TAF2: variants seen among roughly 807,000 people sequenced by gnomAD.
TAF2 encodes the protein transcription initiation factor TFIID subunit 2.
In TAF2, 61 loss-of-function variants were observed where a neutral mutation model predicts 138.5. That is an observed-to-expected ratio of 0.44 (90% confidence interval 0.36 to 0.54). The LOEUF is 0.54. TAF2 is among the 20% of genes least tolerant of loss of function. The pLI, the probability that TAF2 is intolerant of heterozygous loss-of-function variation, is 0.00. For synonymous variants in TAF2, 475 were observed against 469.9 expected (o/e 1.01, Z -0.14); for missense variants, 1,090 against 1,427.9 (o/e 0.76, Z 3.81).
intron 17 of TAF2, among the ~76,000 whole-genome samples, chr8:119,779,041 A>G (rs1822458622): frequency 6.6e-6 from 1 of 152,170 alleles, no homozygotes; most frequent in African/African-American, 2.4e-5. Flanking sequence ...CTATAGGAAC[A>G]ACTGAGGGAA....
chr8:119,806,598 G>C (rs1289375233), intron 3 of TAF2, among the ~76,000 whole-genome samples, 197 bp from the exon 4 acceptor site: 1 of 151,390 alleles, frequency 6.6e-6, no homozygotes, highest in African/African-American at 2.4e-5. Context: ...CTCCCGAGTA[G>C]CTAGGATTAC....
chr8:119,803,940 T>C lies in TAF2; in HGVS notation c.498A>G (p.Val166=), dbSNP rs995970883. 14 of 1,613,978 alleles carry C rather than the reference T, an allele frequency of 8.7e-6. No individual in the cohort carries two copies. Among genetic ancestry groups the C allele is most frequent in the African/African-American group, 1.3e-5 (1 of 74,932 alleles). ...CACCTCTCTCTGCCATACTTCCCTC[T>C]ACACTGGGTACCACAAAATGAAGAC... ...KGGLHFVVPS[V]EGSMAERGAH... The change falls in exon 5 of 26, where the codon GTA becomes GTG. Residue 166 remains valine, a synonymous_variant. Coordinates refer to ENST00000378164, the MANE Select transcript of TAF2 (RefSeq NM_003184.4).
chr8:119,741,014 T>G (rs1396455694), intron 25 of TAF2, among the ~76,000 whole-genome samples: 1 of 152,216 alleles, frequency 6.6e-6, no homozygotes, highest in Non-Finnish European at 1.5e-5. Context: ...CAAATGTTAA[T>G]GCATTCCTAT....
chr8:119,797,614 C>A, intron 7 of TAF2, 48 bp downstream of exon 7: 1 of 1,565,516 alleles, frequency 6.4e-7, no homozygotes, highest in Non-Finnish European at 8.8e-7. Flanking sequence ...AAATTTTCTT[C>A]ATATCATGAT....
rs576696393 is a variant in TAF2 at position 119,736,818 on chromosome 8, T to C, written c.3338-4632A>G. Reference sequence around the variant, plus strand: ...AAAGAACACACACCCTCTGTAAACCTGAATCCAATTAGAATTCTAGATACA... The same window carrying C: ...AAAGAACACACACCCTCTGTAAACCCGAATCCAATTAGAATTCTAGATACA... On this transcript the variant is annotated intron_variant, in intron 25 of 25. Transcript: ENST00000378164. 2.0e-5 allele frequency among the ~76,000 whole-genome samples: 3 copies of C among 152,302 alleles called. No individual in the cohort carries two copies. The South Asian group carries it at 6.2e-4, about 32-fold the overall frequency.
intron 22 of TAF2, among the ~76,000 whole-genome samples, chr8:119,752,811 A>G (rs1464295613): frequency 4.6e-5 from 7 of 152,228 alleles, no homozygotes; most frequent in Non-Finnish European, 7.3e-5. Context: ...TTTTGTAACT[A>G]TGCAAAGTCA....
Position 119,731,831 on chromosome 8 carries a change from T to TC in TAF2, c.*92dup, listed in dbSNP as rs1380878473. On this transcript the variant is annotated 3_prime_UTR_variant, in exon 26 of 26. Transcript: ENST00000378164. The stretch of plus-strand genomic sequence containing the variant: ...ATTTCTGTAGGAGAGGCGAATCCTT[T>TC]CCCCCCTCCCTTTTATAATTCTTCA... The TC allele has an allele frequency of 3.9e-6, 5 of 1,275,792 alleles. No individual in the cohort carries two copies. In the Admixed American group the frequency reaches 5.1e-5, roughly 13 times the overall value. 79.0% of individuals were successfully genotyped at this position (1,275,792 alleles called of 1,614,324 possible).
chr8:119,825,063 G>A (rs1199718199), intron 2 of TAF2, among the ~76,000 whole-genome samples: 1 of 152,240 alleles, frequency 6.6e-6, no homozygotes, highest in Non-Finnish European at 1.5e-5. Flanking sequence ...CGTGCACCTG[G>A]AAAAGCTGCA....
chr8:119,783,264 A>G (rs986983052), intron 16 of TAF2, 117 bp downstream of exon 16: 1 of 1,296,406 alleles, frequency 7.7e-7, no homozygotes, highest in South Asian at 1.6e-5. Context: ...CTTTGGCAAA[A>G]GCTTTCAAAG....
chr8:119,770,466 C>T (rs1586378570), intron 18 of TAF2, among the ~76,000 whole-genome samples: 1 of 152,008 alleles, frequency 6.6e-6, no homozygotes, highest in Non-Finnish European at 1.5e-5. Flanking sequence ...ACAAAAATTG[C>T]CAGCCAAGAA....
intron 2 of TAF2, among the ~76,000 whole-genome samples, chr8:119,822,546 A>C (rs1389053790): frequency 6.6e-6 from 1 of 152,164 alleles, no homozygotes; most frequent in East Asian, 1.9e-4. Context: ...TTGTAACACA[A>C]GTCTGCCATC....
At chr8:119,818,785 T>C (rs894849775) in intron 3 of TAF2, among the ~76,000 whole-genome samples, 4 of 148,114 alleles carry the variant, frequency 2.7e-5, no homozygotes, top group Non-Finnish European at 4.5e-5. Context: ...GGAAACAAAG[T>C]ATGAAATAGA....
chr8:119,766,061 T>C (rs750327622), intron 18 of TAF2, among the ~76,000 whole-genome samples: 13 of 152,210 alleles, frequency 8.5e-5, no homozygotes, highest in Non-Finnish European at 1.5e-4. Flanking sequence ...GTCTTATGCT[T>C]GGTGATATAC....
intron 25 of TAF2, among the ~76,000 whole-genome samples, chr8:119,737,335 A>G (rs1382878102): frequency 6.6e-6 from 1 of 151,726 alleles, no homozygotes; most frequent in Non-Finnish European, 1.5e-5. Flanking sequence ...GAATAAAATT[A>G]TATTATATTT....
chr8:119,800,966 T>A (rs971603521), intron 6 of TAF2, among the ~76,000 whole-genome samples: 2 of 152,200 alleles, frequency 1.3e-5, no homozygotes, highest in Non-Finnish European at 2.9e-5. Context: ...GGCCTAAAAC[T>A]GTGATTTGGC....
At position 119,760,584 on chromosome 8, in the gene TAF2, T is replaced by A. The variant is rs759450148; in HGVS notation, c.2698+15A>T. ...CTTTCTAAAATGATATGAGCACGTATTTCTAAAGTATTACCTTTAGTATAA... is the reference window on the plus strand; with the variant it reads ...CTTTCTAAAATGATATGAGCACGTAATTCTAAAGTATTACCTTTAGTATAA... On this transcript the variant is annotated intron_variant, in intron 20 of 25. Coordinates refer to ENST00000378164, the MANE Select transcript of TAF2 (RefSeq NM_003184.4). 1.2e-6 allele frequency: 2 copies of A among 1,611,546 alleles called. No individual in the cohort carries two copies. Among genetic ancestry groups the A allele is most frequent in the East Asian group, 4.5e-5 (2 of 44,844 alleles).
At chr8:119,814,905 T>C (rs1825347385) in intron 3 of TAF2, among the ~76,000 whole-genome samples, 1 of 145,992 alleles carries the variant, frequency 6.8e-6, no homozygotes, top group South Asian at 2.2e-4. Flanking sequence ...CAGGACTCTG[T>C]CTTTAAAAAA....
chr8:119,831,791 G>C (rs1826464302), intron 1 of TAF2, 60 bp from the exon 2 acceptor site: 1 of 1,111,504 alleles, frequency 9.0e-7, no homozygotes, highest in East Asian at 2.7e-5. Context: ...TTAAATCAAA[G>C]TATAATTCTA....
chr8:119,732,497 T>C (rs778951948), intron 25 of TAF2, among the ~76,000 whole-genome samples: 1 of 152,064 alleles, frequency 6.6e-6, no homozygotes, highest in South Asian at 2.1e-4. Flanking sequence ...TTACACACGG[T>C]GTTATAGGTT....
Sources: allele counts gnomAD v4.1 joint callset (sites outside exome capture counted in the v4.1 genomes callset), GRCh38; gene constraint gnomAD v4.1.1; transcripts MANE v1.5; gene names NCBI Gene and HGNC (gene_info 2026-07-23, HGNC 2026-07-21).